HTT: variants seen among roughly 807,000 people sequenced by gnomAD.
HTT encodes the protein huntington disease protein.
A neutral mutation model predicts 362.3 loss-of-function variants in HTT; 104 were observed. The observed-to-expected ratio is 0.29, with a 90% confidence interval of 0.24 to 0.34. The LOEUF is 0.34. Among genes scored for constraint, HTT ranks in the 10% least tolerant of loss-of-function variants. The pLI is 1.00. For missense variants in HTT, 3,301 were observed against 3,928.6 expected (o/e 0.84, Z 4.27); for synonymous variants, 1,577 against 1,548.7 (o/e 1.02, Z -0.43).
intron 27 of HTT, among the ~76,000 whole-genome samples, chr4:3,156,054 C>T (rs959091122): frequency 1.3e-5 from 2 of 152,132 alleles, no homozygotes; most frequent in Non-Finnish European, 1.5e-5. Flanking sequence ...CTGCAGTCAC[C>T]ATGCTATACA....
chr4:3,237,651 G>A (rs1410882012), intron 64 of HTT, among the ~76,000 whole-genome samples: 3 of 152,208 alleles, frequency 2.0e-5, no homozygotes, highest in Non-Finnish European at 4.4e-5. Context: ...CGGCTGCCAT[G>A]CCACTGCTGG....
chr4:3,235,027 C>A (rs1276328245), intron 61 of HTT, among the ~76,000 whole-genome samples: 1 of 152,090 alleles, frequency 6.6e-6, no homozygotes, highest in African/African-American at 2.4e-5. Context: ...ATGGAGGTGG[C>A]CACAGGGGAG....
chr4:3,134,485 T>A lies in HTT; in HGVS notation c.2578T>A (p.Ser860Thr). ...IIDVLTLRNSSYWLVRTELLE... is the reference protein window; with the variant it reads ...IIDVLTLRNSTYWLVRTELLE... ...CGATGTGCTGACTCTGAGGAACAGT[T>A]CCTATTGGCTGGTGAGGACAGAGCT... The change falls in exon 19 of 67, where the codon TCC (serine) becomes ACC (threonine). Residue 860 changes from serine to threonine, a missense_variant. Ser to Thr is a moderately conservative substitution (Grantham distance 58, BLOSUM62 1). Coordinates refer to ENST00000355072, the MANE Select transcript of HTT (RefSeq NM_001388492.1). The A allele has an allele frequency of 2.5e-6, 4 of 1,614,044 alleles. No homozygotes were observed. The East Asian group carries it at 8.9e-5, about 36-fold the overall frequency.
chr4:3,243,226 CTG>C lies in HTT; in HGVS notation c.*3173_*3174del, dbSNP rs1721899905. On this transcript the variant is annotated 3_prime_UTR_variant, in exon 67 of 67. Transcript: ENST00000355072. ...GTTGCGGGGTGGAGTGAGGTTAGTTCTGTGTGTCTGGTGGGTGGAGTCAGGCT... is the reference window on the plus strand; with the variant it reads ...GTTGCGGGGTGGAGTGAGGTTAGTTCTGTGTCTGGTGGGTGGAGTCAGGCT... 6.6e-6 allele frequency: 1 copy of C among 152,664 alleles called. No homozygotes were observed. The highest frequency in any genetic ancestry group is 2.4e-5 in the African/African-American group (1 of 41,452). 9.5% of individuals were successfully genotyped at this position (152,664 alleles called of 1,614,324 possible).
rs1171526197 is a variant in HTT, at chr4:3,086,962, A to G, written c.287A>G (p.Lys96Arg). 1 of 1,606,568 alleles carries G rather than the reference A, an allele frequency of 6.2e-7. No individual in the cohort carries two copies. Residue 96 changes from lysine to arginine, a missense_variant, in exon 2 of 67, where the codon AAG becomes AGG. This residue lies in a region of HTT where 2,316 missense variants were observed against 2,658.5 expected (regional missense o/e 0.87). Transcript: ENST00000355072. The stretch of plus-strand genomic sequence containing the variant: ...AGAAAGAAAGAACTTTCAGCTACCA[A>G]GAAAGACCGTGTGAATCATTGTCTG... ...HRPKKELSATKKDRVNHCLTI... is the reference protein window; with the variant it reads ...HRPKKELSATRKDRVNHCLTI...
At position 3,115,465 on chromosome 4, in the gene HTT, G is replaced by A; in HGVS notation, c.889+20G>A. ...TCTTAGGTAAGGTGGAGGCATATGA[G>A]TGGAAGAGTCTCCAGCATGTACTCA... On this transcript the variant is annotated intron_variant, in intron 7 of 66. Transcript: ENST00000355072. The A allele has an allele frequency of 1.3e-6, 2 of 1,587,266 alleles. No homozygotes were observed. Among genetic ancestry groups the A allele is most frequent in the Middle Eastern group, 1.7e-4 (1 of 5,982 alleles).
chr4:3,075,649 G>T (rs949250093), intron 1 of HTT, among the ~76,000 whole-genome samples: 1 of 55,278 alleles, frequency 1.8e-5, no homozygotes, highest in African/African-American at 4.2e-5. Flanking sequence ...TGGCGGGGCA[G>T]GGGGGGGGCG....
Position 3,171,304 on chromosome 4 carries a change from A to G in HTT, c.3865-1016A>G, listed in dbSNP as rs144153445. On this transcript the variant is annotated intron_variant, in intron 29 of 66. Transcript: ENST00000355072. ...AGAGGATATTTTGTTAAACAAGTGG[A>G]GAGAGAGGCATTTTCAGTCTAATTG... is the stretch of plus-strand genomic sequence containing the variant. 4.7e-4 allele frequency among the ~76,000 whole-genome samples: 71 copies of G among 152,254 alleles called. No homozygotes were observed. The East Asian group carries it at 4.8e-3, about 10-fold the overall frequency.
In HTT at chr4:3,118,666, C is replaced by T. The variant is rs148485085; in HGVS notation, c.1068+2403C>T. ...AGGTTTCTAACATTTGTGAACAGAT[C>T]GAAACTGTGTTAAATTGGGATTGCA... On this transcript the variant is annotated intron_variant, in intron 8 of 66. Transcript: ENST00000355072. Among the ~76,000 whole-genome samples, 233 of 151,892 alleles carry T rather than the reference C, an allele frequency of 1.5e-3. 2 individuals carry two copies. Among genetic ancestry groups the T allele is most frequent in the African/African-American group, 5.3e-3 (221 of 41,350 alleles).
rs567409245 is a variant in HTT, at chr4:3,095,226, G to A, written c.348-4048G>A. On this transcript the variant is annotated intron_variant, in intron 2 of 66. Coordinates refer to ENST00000355072, the MANE Select transcript of HTT (RefSeq NM_001388492.1). Reference sequence around the variant, plus strand: ...CCCGAGATCACGCCACTGCACTCCAGCCTGGGCAACACTGAGCACTGAGTG... The same window carrying A: ...CCCGAGATCACGCCACTGCACTCCAACCTGGGCAACACTGAGCACTGAGTG... 5.9e-5 allele frequency among the ~76,000 whole-genome samples: 9 copies of A among 152,364 alleles called. No individual in the cohort carries two copies. The South Asian group carries it at 1.0e-3, about 18-fold the overall frequency.
chr4:3,223,413 C>T lies in HTT; in HGVS notation c.7478C>T (p.Thr2493Ile), dbSNP rs1028614728. 6.3e-7 allele frequency: 1 copy of T among 1,588,072 alleles called. No homozygotes were observed. Among genetic ancestry groups the T allele is most frequent in the African/African-American group, 1.3e-5 (1 of 74,100 alleles). The change falls in exon 55 of 67, where the codon ACA (threonine) becomes ATA (isoleucine). Residue 2493 changes from threonine (T) to isoleucine (I), a missense_variant. By Grantham distance (89) the Thr-to-Ile change is moderately conservative. Coordinates refer to ENST00000355072, the MANE Select transcript of HTT (RefSeq NM_001388492.1). ...EQEESPPEED[T>I]ERTQINVLAV... ...TGTGGGCTCTCCTTCCAGGAAGACA[C>T]AGAGAGGACCCAGATCAACGTCCTG... is the stretch of plus-strand genomic sequence containing the variant.
intron 29 of HTT, 54 bp from the exon 30 acceptor site, chr4:3,172,266 G>C: frequency 2.0e-6 from 2 of 978,354 alleles, no homozygotes; most frequent in Non-Finnish European, 3.3e-6. Context: ...TCTAGGATTC[G>C]TACAATAACG....
Position 3,175,047 on chromosome 4 carries a change from A to C in HTT, c.4347A>C (p.Leu1449Phe). The C allele has an allele frequency of 6.2e-7, 1 of 1,614,182 alleles. No homozygotes were observed. The highest frequency in any genetic ancestry group is 8.5e-7 in the Non-Finnish European group (1 of 1,180,008). The change falls in exon 33 of 67, where the codon TTA becomes TTC. Residue 1449 changes from leucine to phenylalanine, a missense_variant. This residue lies in a region of HTT where 2,316 missense variants were observed against 2,658.5 expected (regional missense o/e 0.87). Transcript: ENST00000355072. ...TTCVQLQKQVLDLLAQLVQLR... is the reference protein window; with the variant it reads ...TTCVQLQKQVFDLLAQLVQLR... ...GTGTGCAGTTACAGAAGCAGGTTTT[A>C]GATTTGCTGGCGCAGCTGGTTCAGT...
chr4:3,154,495 G>A, intron 27 of HTT, 76 bp downstream of exon 27: 2 of 1,556,644 alleles, frequency 1.3e-6, no homozygotes, highest in South Asian at 1.2e-5. Context: ...TAAGTAACTT[G>A]GTGTTTTAGA....
At chr4:3,181,844 G>T (rs987005254) in intron 36 of HTT, among the ~76,000 whole-genome samples, 1 of 152,128 alleles carries the variant, frequency 6.6e-6, no homozygotes, top group South Asian at 2.1e-4. Flanking sequence ...GTGAGCTCTG[G>T]ATATGTCTGT....
At chr4:3,119,730 A>G (rs1049108742) in intron 8 of HTT, among the ~76,000 whole-genome samples, 1 of 152,170 alleles carries the variant, frequency 6.6e-6, no homozygotes, top group Non-Finnish European at 1.5e-5. Flanking sequence ...AGAATTTAGG[A>G]GGGGGCAGAT....
In HTT at chr4:3,182,464, A is replaced by G. The variant is rs1234927019; in HGVS notation, c.4860A>G (p.Lys1620=). 1 of 1,608,902 alleles carries G rather than the reference A, an allele frequency of 6.2e-7. No homozygotes were observed. The highest frequency in any genetic ancestry group is 1.1e-5 in the South Asian group (1 of 90,942). The change falls in exon 37 of 67, where the codon AAA becomes AAG. Residue 1620 remains lysine (K), a synonymous_variant. Transcript: ENST00000355072. Reference sequence around the variant, plus strand: ...ACATCATCCTCCCAATGTTAGCCAAACAGCAGGTTTGTCCCCGCAGCCTTG... The same window carrying G: ...ACATCATCCTCCCAATGTTAGCCAAGCAGCAGGTTTGTCCCCGCAGCCTTG... ...IADIILPMLA[K]QQMHIDSHEA...
chr4:3,168,794 T>A (rs1026287132), intron 29 of HTT, among the ~76,000 whole-genome samples: 1 of 152,152 alleles, frequency 6.6e-6, no homozygotes, highest in Non-Finnish European at 1.5e-5. Context: ...GAGGATTGCT[T>A]GAGCCTTGGG....
At chr4:3,105,278 A>G in intron 4 of HTT, 79 bp from the exon 5 acceptor site, 2 of 950,268 alleles carry the variant, frequency 2.1e-6, no homozygotes, top group Non-Finnish European at 3.4e-6. Context: ...TAACAAGGAA[A>G]GAAAATGCTT....
Sources: gnomAD v4.1 joint callset for allele counts (sites outside exome capture counted in the v4.1 genomes callset) on GRCh38, gnomAD v4.1.1 for gene constraint, gnomAD v4.1.1 regional missense constraint, MANE v1.5 for transcripts, NCBI Gene and HGNC (gene_info 2026-07-23, HGNC 2026-07-21) for gene names.